The following KCNMA1 variants were observed in gnomAD, a reference collection of about 807,000 sequenced individuals.
The protein encoded by KCNMA1 is Calcium-activated potassium channel subunit alpha-1.
Under a neutral mutation model 140.0 loss-of-function variants are expected in KCNMA1, and 29 were observed. The ratio of observed to expected loss-of-function variants is 0.21; its 90% CI spans 0.15 to 0.28. The LOEUF is 0.28. KCNMA1 is among the 10% of genes least tolerant of loss of function. The pLI, the probability that KCNMA1 is intolerant of heterozygous loss-of-function variation, is 1.00. For synonymous variants in KCNMA1, 612 were observed against 611.9 expected (o/e 1.00, Z 0.00); for missense variants, 880 against 1,602.2 (o/e 0.55, Z 7.70).
At chr10:76,989,150 G>A in intron 19 of KCNMA1, among the ~76,000 whole-genome samples, 1 of 152,092 alleles carries the variant, frequency 6.6e-6, no homozygotes, top group East Asian at 1.9e-4. Context: ...GATAATACCA[G>A]GACCCCGGGT....
chr10:77,334,722 C>T (rs914846769), intron 2 of KCNMA1, among the ~76,000 whole-genome samples: 5 of 152,060 alleles, frequency 3.3e-5, no homozygotes, highest in African/African-American at 1.2e-4. Flanking sequence ...ACGGGTTGAA[C>T]CAGTTCTGTC....
chr10:77,014,870 A>C (rs1364106058), intron 17 of KCNMA1, among the ~76,000 whole-genome samples: 1 of 152,116 alleles, frequency 6.6e-6, no homozygotes, highest in African/African-American at 2.4e-5. Flanking sequence ...TGCCTCTGTC[A>C]TGCTCACCTC....
chr10:77,127,614 G>A (rs1242129946), intron 5 of KCNMA1, among the ~76,000 whole-genome samples: 1 of 149,796 alleles, frequency 6.7e-6, no homozygotes, highest in Non-Finnish European at 1.5e-5. Context: ...GGCAAGAAGG[G>A]AGAGAAGGAG....
intron 19 of KCNMA1, chr10:76,977,529 A>G (rs771023815): frequency 2.1e-5 from 15 of 702,776 alleles, no homozygotes; most frequent in Non-Finnish European, 3.1e-5. Flanking sequence ...AGACTAAGAT[A>G]TTAACTCGCT....
intron 1 of KCNMA1, among the ~76,000 whole-genome samples, chr10:77,522,390 T>G (rs1051671520): frequency 6.6e-6 from 1 of 152,196 alleles, no homozygotes; most frequent in African/African-American, 2.4e-5. Flanking sequence ...CCAAATGTTT[T>G]GCCTTTTCAT....
At chr10:77,496,202 G>A (rs967459066) in intron 1 of KCNMA1, among the ~76,000 whole-genome samples, 2 of 152,142 alleles carry the variant, frequency 1.3e-5, no homozygotes, top group African/African-American at 4.8e-5. Flanking sequence ...CTTGACAACA[G>A]AATCCTGTCT....
At chr10:77,437,788 G>C (rs1219063780) in intron 1 of KCNMA1, among the ~76,000 whole-genome samples, 1 of 152,150 alleles carries the variant, frequency 6.6e-6, no homozygotes, top group Non-Finnish European at 1.5e-5. Context: ...GGACAAAATA[G>C]ATGATTTCAG....
At chr10:77,569,906 C>A (rs2070241031) in intron 1 of KCNMA1, among the ~76,000 whole-genome samples, 1 of 151,980 alleles carries the variant, frequency 6.6e-6, no homozygotes, top group Non-Finnish European at 1.5e-5. Flanking sequence ...AACAAACAAC[C>A]CCATCAAAAA....
At chr10:77,566,724 C>A (rs2068462411) in intron 1 of KCNMA1, among the ~76,000 whole-genome samples, 1 of 152,182 alleles carries the variant, frequency 6.6e-6, no homozygotes, top group Admixed American at 6.5e-5. Flanking sequence ...TACTATGTGT[C>A]CAGAGTTGTT....
At chr10:77,289,477 G>C (rs189259513) in intron 2 of KCNMA1, among the ~76,000 whole-genome samples, 1 of 152,334 alleles carries the variant, frequency 6.6e-6, no homozygotes, top group Admixed American at 6.5e-5. Context: ...CAAGGTGTCA[G>C]CATCTGGGAC....
At chr10:77,167,569 G>A (rs749369533) in intron 5 of KCNMA1, among the ~76,000 whole-genome samples, 1 of 152,140 alleles carries the variant, frequency 6.6e-6, no homozygotes, top group Admixed American at 6.6e-5. Flanking sequence ...TAAAGATGAT[G>A]ATAATAATGA....
chr10:77,007,578 A>C (rs2089279779), intron 18 of KCNMA1, among the ~76,000 whole-genome samples: 1 of 150,824 alleles, frequency 6.6e-6, no homozygotes, highest in Non-Finnish European at 1.5e-5. Context: ...CTCTACTCTT[A>C]TATGTAAAAA....
At chr10:76,881,134 T>C (rs1437967751), downstream of KCNMA1, among the ~76,000 whole-genome samples, 1 of 152,098 alleles carries the variant, frequency 6.6e-6, no homozygotes, top group Non-Finnish European at 1.5e-5. Context: ...TTGGCAGATG[T>C]CACCTATCAA....
At chr10:76,923,134 C>A (rs532488815) in intron 23 of KCNMA1, among the ~76,000 whole-genome samples, 1 of 152,214 alleles carries the variant, frequency 6.6e-6, no homozygotes, top group East Asian at 1.9e-4. Context: ...CAACCCAAAC[C>A]AAAGCAAATT....
At chr10:77,538,186 A>G (rs752931482) in intron 1 of KCNMA1, among the ~76,000 whole-genome samples, 9 of 151,782 alleles carry the variant, frequency 5.9e-5, no homozygotes, top group Non-Finnish European at 1.3e-4. Flanking sequence ...CATACACTAG[A>G]CACACTCATA....
intron 19 of KCNMA1, among the ~76,000 whole-genome samples, chr10:76,982,788 C>T (rs2079952690): frequency 6.6e-6 from 1 of 152,174 alleles, no homozygotes; most frequent in South Asian, 2.1e-4. Flanking sequence ...TCAGAAACTG[C>T]CTAGCTCGCT....
At position 77,125,808 on chromosome 10, in the gene KCNMA1, G is replaced by A. The variant is rs116378113; in HGVS notation, c.809-4760C>T. On this transcript the variant is annotated intron_variant, in intron 5 of 27. Transcript: ENST00000286628. ...GTTTGAACTGAATGAGTGAATCAAA[G>A]TTTTGAGAAATAATTAGACGGCGGA... Among the ~76,000 whole-genome samples, 1,234 of 152,338 alleles carry A rather than the reference G, an allele frequency of 8.1e-3. 20 individuals are homozygous for A. Among genetic ancestry groups the A allele is most frequent in the African/African-American group, 0.028 (1,180 of 41,572 alleles).
At chr10:77,386,495 T>C (rs1163482187) in intron 2 of KCNMA1, among the ~76,000 whole-genome samples, 1 of 152,190 alleles carries the variant, frequency 6.6e-6, no homozygotes, top group Non-Finnish European at 1.5e-5. Flanking sequence ...TGCCTGAAAT[T>C]CTCTATCCAG....
intron 14 of KCNMA1, among the ~76,000 whole-genome samples, chr10:77,067,654 G>A (rs2096009279): frequency 6.6e-6 from 1 of 152,200 alleles, no homozygotes; most frequent in Non-Finnish European, 1.5e-5. Flanking sequence ...CAAAACAGCA[G>A]TGTGTGTCAA....
Sources: gnomAD v4.1 joint callset for allele counts (sites outside exome capture counted in the v4.1 genomes callset) on GRCh38, gnomAD v4.1.1 for gene constraint, MANE v1.5 for transcripts, NCBI Gene and HGNC (gene_info 2026-07-23, HGNC 2026-07-21) for gene names.